The following STAC variants were observed in gnomAD, a reference collection of about 807,000 sequenced individuals.
STAC encodes the protein SH3 and cysteine rich domain, also known as SH3 and cysteine-rich domain-containing protein.
A neutral mutation model predicts 48.8 loss-of-function variants in STAC; 43 were observed. The observed-to-expected ratio is 0.88, with a 90% CI of 0.69 to 1.14. STAC has a LOEUF of 1.14. STAC is among the 50% of genes most tolerant of loss of function. The probability of loss-of-function intolerance (pLI) is 0.00; values close to 1 mark genes in which losing one functional copy is unlikely to be tolerated. For synonymous variants in STAC, 193 were observed against 179.5 expected, an observed-to-expected ratio of 1.07 and a Z score of -0.60; for missense variants, 497 against 504.0, an observed-to-expected ratio of 0.99 and a Z score of 0.13.
At chr3:36,529,949 A>C (rs182316108) in intron 10 of STAC, among the ~76,000 whole-genome samples, 1 of 151,972 alleles carries the variant, frequency 6.6e-6, no homozygotes, top group African/African-American at 2.4e-5. Flanking sequence ...ATGAAACCCC[A>C]TCTCTACTAA....
chr3:36,519,363 T>C (rs1403595653), intron 8 of STAC, among the ~76,000 whole-genome samples: 3 of 152,206 alleles, frequency 2.0e-5, no homozygotes, highest in Non-Finnish European at 4.4e-5. Flanking sequence ...TTTTTCTCTT[T>C]CTGGAGGTGA....
intron 8 of STAC, among the ~76,000 whole-genome samples, chr3:36,528,466 T>TAAA (rs549661725): frequency 3.7e-5 from 5 of 136,540 alleles, no homozygotes; most frequent in African/African-American, 1.3e-4. Context: ...AGACTCTGTT[T>TAAA]AAAAAAAAAA....
intron 1 of STAC, among the ~76,000 whole-genome samples, chr3:36,404,805 G>A (rs1473607234): frequency 1.3e-5 from 2 of 152,014 alleles, no homozygotes; most frequent in African/African-American, 2.4e-5. Flanking sequence ...TAAGTTCACA[G>A]AAATGTTTCT....
intron 10 of STAC, among the ~76,000 whole-genome samples, chr3:36,531,091 G>T (rs920247731): frequency 2.0e-5 from 3 of 152,184 alleles, no homozygotes; most frequent in African/African-American, 7.2e-5. Context: ...TAACAAAGGT[G>T]GAGATGGAGT....
intron 8 of STAC, among the ~76,000 whole-genome samples, chr3:36,526,704 C>A (rs994727913): frequency 2.6e-5 from 4 of 152,148 alleles, no homozygotes; most frequent in Non-Finnish European, 4.4e-5. Flanking sequence ...ATGTTGAACT[C>A]CAGAATTAAG....
intron 1 of STAC, among the ~76,000 whole-genome samples, chr3:36,405,693 T>G (rs1700075224): frequency 6.6e-6 from 1 of 152,300 alleles, no homozygotes; most frequent in African/African-American, 2.4e-5. Context: ...GTTTCTTGCT[T>G]CCATTTCTTT....
chr3:36,516,402 G>A (rs57869177), intron 8 of STAC, among the ~76,000 whole-genome samples: 1 of 152,052 alleles, frequency 6.6e-6, no homozygotes, highest in African/African-American at 2.4e-5. Context: ...TCTTAGAAGT[G>A]CCATGGACCC....
In STAC at chr3:36,443,484, G is replaced by A. The variant is rs1380647468; in HGVS notation, c.232G>A (p.Glu78Lys). The A allele has an allele frequency of 1.2e-6, 2 of 1,614,138 alleles. No individual in the cohort carries two copies. The highest frequency in any genetic ancestry group is 3.3e-5 in the Admixed American group (2 of 60,018). The change falls in exon 2 of 11, where the codon GAG becomes AAG. Residue 78 changes from glutamate (E) to lysine (K), a missense_variant. Physicochemically the swap from Glu to Lys is moderately conservative, Grantham distance 56. Coordinates refer to ENST00000273183, the MANE Select transcript of STAC (RefSeq NM_003149.3). The surrounding 1 kb of genome is among the most constrained non-coding windows in gnomAD (Gnocchi z 4.2). ...GAAACTGCAAGCACACATGGTGGCT[G>A]AGATCAGCCCCAGCTCCAGCCCACT... ...DMKLQAHMVA[E>K]ISPSSSPLPA...
chr3:36,542,923 T>C (rs1245386843), intron 10 of STAC, among the ~76,000 whole-genome samples: 1 of 152,190 alleles, frequency 6.6e-6, no homozygotes, highest in Non-Finnish European at 1.5e-5. Context: ...AAAGAGTTGT[T>C]GAATGAGTGA....
At chr3:36,402,968 G>T (rs2125628507) in intron 1 of STAC, among the ~76,000 whole-genome samples, 1 of 152,196 alleles carries the variant, frequency 6.6e-6, no homozygotes, top group Non-Finnish European at 1.5e-5. Flanking sequence ...TAAACCAAAA[G>T]GACCACTGTG....
At chr3:36,526,954 C>G (rs949174056) in intron 8 of STAC, among the ~76,000 whole-genome samples, 5 of 152,160 alleles carry the variant, frequency 3.3e-5, no homozygotes, top group Admixed American at 6.5e-5. Context: ...GAGGCGGCAC[C>G]ATACTGCTTA....
At chr3:36,524,320 G>A (rs1698875745) in intron 8 of STAC, among the ~76,000 whole-genome samples, 2 of 152,250 alleles carry the variant, frequency 1.3e-5, no homozygotes, top group East Asian at 1.9e-4. Context: ...CGGGCCAGGC[G>A]CGGTGGCTCA....
chr3:36,397,882 G>A (rs191711400), intron 1 of STAC, among the ~76,000 whole-genome samples: 8 of 151,712 alleles, frequency 5.3e-5, no homozygotes, highest in Non-Finnish European at 8.8e-5. Context: ...ATAGATTGCC[G>A]ATAGGATGAC....
chr3:36,443,541 G>T lies in STAC; in HGVS notation c.289G>T (p.Ala97Ser), dbSNP rs568735926. Reference sequence around the variant, plus strand: ...TCCAGGAAGCCTGACGTCCACACCCGCCAGGGCTGGTCTGCATCCAGGTGG... The same window carrying T: ...TCCAGGAAGCCTGACGTCCACACCCTCCAGGGCTGGTCTGCATCCAGGTGG... ...PAPGSLTSTP[A>S]RAGLHPGGKA... Residue 97 changes from alanine (A) to serine (S), a missense_variant, in exon 2 of 11, where the codon GCC becomes TCC. Physicochemically the swap from Ala to Ser is moderately conservative, Grantham distance 99. Transcript: ENST00000273183. The surrounding 1 kb of genome is among the most constrained non-coding windows in gnomAD (Gnocchi z 4.2). 1.2e-6 allele frequency: 2 copies of T among 1,614,174 alleles called. No homozygotes were observed. The highest frequency in any genetic ancestry group is 2.2e-5 in the South Asian group (2 of 91,084).
chr3:36,485,060 T>G lies in STAC; in HGVS notation c.571+2T>G. ...GCATTAAAGAAGTTATGCCCATTGG[T>G]GAGTTGGGACATTGATGGGTTGAGT... On this transcript the variant is annotated splice_donor_variant, in intron 4 of 10. Transcript: ENST00000273183. LOFTEE classifies it high-confidence loss of function. 6.2e-7 allele frequency: 1 copy of G among 1,601,624 alleles called. No homozygotes were observed. The highest frequency in any genetic ancestry group is 1.1e-5 in the South Asian group (1 of 88,586).
intron 5 of STAC, among the ~76,000 whole-genome samples, chr3:36,487,782 A>C (rs1233967363): frequency 1.3e-5 from 2 of 152,202 alleles, no homozygotes; most frequent in Non-Finnish European, 2.9e-5. Flanking sequence ...AAGATGAAAA[A>C]TGTTTCACTT....
intron 10 of STAC, among the ~76,000 whole-genome samples, chr3:36,541,401 C>T (rs1005894090): frequency 6.6e-6 from 1 of 152,156 alleles, no homozygotes; most frequent in South Asian, 2.1e-4. Context: ...CCATGAGTAC[C>T]AATCATCAGT....
In STAC at chr3:36,546,562, C is replaced by T; in HGVS notation, c.*273C>T. ...TTGGCAGCAGCAGTAGGACTATAAACCACAGCTGTCCCCCAGGATCCCACT... is the reference window on the plus strand; with the variant it reads ...TTGGCAGCAGCAGTAGGACTATAAATCACAGCTGTCCCCCAGGATCCCACT... On this transcript the variant is annotated 3_prime_UTR_variant, in exon 11 of 11. Coordinates refer to ENST00000273183, the MANE Select transcript of STAC (RefSeq NM_003149.3). 2.0e-6 allele frequency: 1 copy of T among 505,090 alleles called. No homozygotes were observed. The highest frequency in any genetic ancestry group is 3.6e-6 in the Non-Finnish European group (1 of 281,358). 31.3% of individuals were successfully genotyped at this position (505,090 alleles called of 1,614,324 possible). A position where few individuals can be genotyped will look rare whatever the true frequency, so the allele number is the denominator to read the frequency against.
chr3:36,506,035 G>T (rs1698395169), intron 8 of STAC: 1 of 408,670 alleles, frequency 2.4e-6, no homozygotes, highest in South Asian at 4.9e-5. Context: ...TCTGAGGCAG[G>T]GCCTCAGAAG....
Sources: gnomAD v4.1 joint callset for allele counts (sites outside exome capture counted in the v4.1 genomes callset) on GRCh38, gnomAD v4.1.1 for gene constraint, Gnocchi (gnomAD v3.1) non-coding constraint, MANE v1.5 for transcripts, NCBI Gene and HGNC (gene_info 2026-07-23, HGNC 2026-07-21) for gene names.